The following SYNE1 variants were observed in gnomAD, a reference collection of about 807,000 sequenced individuals.
SYNE1 encodes nesprin-1.
A neutral mutation model predicts 1,111.0 loss-of-function variants in SYNE1; 616 were observed. That is an observed-to-expected ratio of 0.55 (90% CI 0.52 to 0.59). SYNE1 has a LOEUF of 0.59. Ranked by LOEUF, SYNE1 falls within the 20% of genes least tolerant of loss-of-function variation. The pLI is 0.00. For synonymous variants in SYNE1, 3,855 were observed against 3,825.8 expected (o/e 1.01, Z -0.28); for missense variants, 10,006 against 10,417.0 (o/e 0.96, Z 1.72).
chr6:152,254,844 G>A (rs1284433850), intron 104 of SYNE1, 36 bp downstream of exon 104: 2 of 1,573,870 alleles, frequency 1.3e-6, no homozygotes, highest in Non-Finnish European at 1.7e-6. Context: ...AATACCTAGA[G>A]AATGGTCACG....
In SYNE1 at chr6:152,387,331, T is replaced by C; in HGVS notation, c.8228A>G (p.Asn2743Ser). 6.2e-7 allele frequency: 1 copy of C among 1,614,216 alleles called. No individual in the cohort carries two copies. The highest frequency in any genetic ancestry group is 8.5e-7 in the Non-Finnish European group (1 of 1,180,024). The change falls in exon 54 of 146, where the codon AAC (asparagine) becomes AGC (serine). Residue 2743 changes from asparagine to serine, a missense_variant. Asn to Ser is a conservative substitution (Grantham distance 46). Coordinates refer to ENST00000367255, the MANE Select transcript of SYNE1 (RefSeq NM_182961.4). ...SQWNDYVERKNQLEQWMESVD... is the reference protein window; with the variant it reads ...SQWNDYVERKSQLEQWMESVD... ...TGATTCCATCCACTGCTCCAACTGG[T>C]TTTTCCTCTCTACATAGTCATTCCA...
chr6:152,462,642 G>T, intron 20 of SYNE1, 96 bp downstream of exon 20: 2 of 1,456,134 alleles, frequency 1.4e-6, no homozygotes, highest in Non-Finnish European at 1.9e-6. Flanking sequence ...ATGCCCAGGA[G>T]ACACAGAAAC....
In SYNE1 at chr6:152,310,837, GCTCA is replaced by G. The variant is rs767741577; in HGVS notation, c.16743_16746del (p.Glu5582TrpfsTer4). On this transcript the variant is annotated frameshift_variant, in exon 88 of 146. Transcript: ENST00000367255. LOFTEE classifies it high-confidence loss of function. ...TGTAATTTCTCAGTCATTGCTTCCA[GCTCA>G]CTGTCAATTTCTTTGGATTCTTCTA... 5 of 1,613,936 alleles carry G rather than the reference GCTCA, an allele frequency of 3.1e-6. No individual in the cohort carries two copies. The highest frequency in any genetic ancestry group is 4.2e-6 in the Non-Finnish European group (5 of 1,179,994).
intron 128 of SYNE1, among the ~76,000 whole-genome samples, chr6:152,182,242 T>A (rs2068302121): frequency 6.6e-6 from 1 of 152,224 alleles, no homozygotes; most frequent in Non-Finnish European, 1.5e-5. Flanking sequence ...GTGTTCATAG[T>A]GCTGGTTGAA....
chr6:152,341,802 ACT>A (rs2096539669), intron 74 of SYNE1, among the ~76,000 whole-genome samples: 1 of 152,174 alleles, frequency 6.6e-6, no homozygotes, highest in Admixed American at 6.5e-5. Flanking sequence ...TAATGAAACA[ACT>A]TTTGTTCTCA....
At position 152,325,284 on chromosome 6, in the gene SYNE1, T is replaced by A. The variant is rs755058212; in HGVS notation, c.15457A>T (p.Asn5153Tyr). 20 of 1,614,044 alleles carry A rather than the reference T, an allele frequency of 1.2e-5. No individual in the cohort carries two copies. Among genetic ancestry groups the A allele is most frequent in the Non-Finnish European group, 8.5e-7 (1 of 1,180,040 alleles). The change falls in exon 81 of 146, where the codon AAC becomes TAC. Residue 5153 changes from asparagine to tyrosine, a missense_variant. This residue lies in a region of SYNE1 where 4,955 missense variants were observed against 5,017.2 expected (regional missense o/e 0.99). Coordinates refer to ENST00000367255, the MANE Select transcript of SYNE1 (RefSeq NM_182961.4). ...SEHKALVSVV[N>Y]SFHEKIVALE... ...GCCACAATTTTCTCATGGAAAGAGT[T>A]AACCACTGACACTAAAGCCTAGGGT...
intron 3 of SYNE1, among the ~76,000 whole-genome samples, chr6:152,576,897 A>G (rs1222542628): frequency 6.6e-6 from 1 of 152,230 alleles, no homozygotes; most frequent in Admixed American, 6.5e-5. Flanking sequence ...GAGCACTAAC[A>G]AAAGATATAT....
chr6:152,225,863 A>G lies in SYNE1; in HGVS notation c.21209T>C (p.Leu7070Ser). The change falls in exon 116 of 146, where the codon TTG (leucine) becomes TCG (serine). Residue 7070 changes from leucine to serine, a missense_variant. Transcript: ENST00000367255. The part of the protein sequence containing the change: ...ALKDCQDLED[L>S]IKAKEKEVEK... ...TACTTCTTTTTCTTTTGCTTTAATC[A>G]AATCTTCCAGATCCTGAAAGATTTA... The G allele has an allele frequency of 6.2e-7, 1 of 1,613,440 alleles. No individual in the cohort carries two copies. The highest frequency in any genetic ancestry group is 8.5e-7 in the Non-Finnish European group (1 of 1,179,924).
At chr6:152,268,768 A>G (rs999131785) in intron 99 of SYNE1, among the ~76,000 whole-genome samples, 5 of 152,214 alleles carry the variant, frequency 3.3e-5, no homozygotes, top group Non-Finnish European at 5.9e-5. Context: ...TACAAACTGC[A>G]TTCATTAAAA....
chr6:152,509,689 C>A (rs745770401), intron 8 of SYNE1, among the ~76,000 whole-genome samples: 1 of 151,876 alleles, frequency 6.6e-6, no homozygotes, highest in Non-Finnish European at 1.5e-5. Flanking sequence ...AAAATCTACA[C>A]TCTAGATAAA....
At chr6:152,425,010 G>C (rs955787694) in intron 39 of SYNE1, among the ~76,000 whole-genome samples, 1 of 152,166 alleles carries the variant, frequency 6.6e-6, no homozygotes, top group Non-Finnish European at 1.5e-5. Flanking sequence ...AAATGGACTA[G>C]CATATGTGTA....
intron 29 of SYNE1, among the ~76,000 whole-genome samples, chr6:152,445,067 A>G (rs867283533): frequency 1.3e-5 from 2 of 152,024 alleles, no homozygotes; most frequent in African/African-American, 2.4e-5. Flanking sequence ...TTTATTCGAT[A>G]TGGTGCTCTG....
Position 152,409,053 on chromosome 6 carries a change from AG to A in SYNE1, c.6540+14del. ...ATATTTAAATAGTTCACAGAATCCCAGGTGATTATCTTACATCCAGCCATTT... is the reference window on the plus strand; with the variant it reads ...ATATTTAAATAGTTCACAGAATCCCAGTGATTATCTTACATCCAGCCATTT... On this transcript the variant is annotated intron_variant, in intron 44 of 145. Coordinates refer to ENST00000367255, the MANE Select transcript of SYNE1 (RefSeq NM_182961.4). 1.2e-6 allele frequency: 2 copies of A among 1,613,046 alleles called. No individual in the cohort carries two copies. The highest frequency in any genetic ancestry group is 1.7e-6 in the Non-Finnish European group (2 of 1,179,192).
intron 51 of SYNE1, among the ~76,000 whole-genome samples, chr6:152,392,917 T>C (rs1419247614): frequency 6.6e-6 from 1 of 152,098 alleles, no homozygotes; most frequent in African/African-American, 2.4e-5. Context: ...ATATTTCAAG[T>C]AGTGAAATAT....
intron 6 of SYNE1, 50 bp from the exon 7 acceptor site, chr6:152,511,153 T>A (rs2099082915): frequency 1.3e-6 from 2 of 1,505,278 alleles, no homozygotes; most frequent in Non-Finnish European, 9.2e-7. Flanking sequence ...ATATTATAAC[T>A]CATTTAATTA....
At chr6:152,232,380 T>C in intron 112 of SYNE1, 115 bp from the exon 113 acceptor site, 1 of 1,137,480 alleles carries the variant, frequency 8.8e-7, no homozygotes. Flanking sequence ...ATAACACTCC[T>C]TAATGACATT....
chr6:152,568,286 A>ATTTTTTTTTTT (rs1564899028), intron 3 of SYNE1, among the ~76,000 whole-genome samples: 1 of 101,804 alleles, frequency 9.8e-6, no homozygotes. Flanking sequence ...ATTTTATTTT[A>ATTTTTTTTTTT]TTCTTTTTTT....
In SYNE1 at chr6:152,308,631, TC is replaced by T; in HGVS notation, c.17203del (p.Glu5735LysfsTer13). The T allele has an allele frequency of 6.4e-7, 1 of 1,559,154 alleles. No individual in the cohort carries two copies. ...TAIQQCNIMQ[E>X]AVVQYEQYEQ... ...ATATTGTTCATATTGTACCACAGCT[TC>T]CTTTGAAAAAAAAAAAAAACAGAAA... On this transcript the variant is annotated frameshift_variant and splice_region_variant, in exon 91 of 146. Transcript: ENST00000367255. LOFTEE classifies it high-confidence loss of function.
intron 128 of SYNE1, 149 bp downstream of exon 128, chr6:152,189,103 A>T (rs1348678681): frequency 1.4e-5 from 11 of 762,534 alleles, no homozygotes; most frequent in Non-Finnish European, 1.8e-5. Context: ...TATTGATCTG[A>T]AATGTTCTGG....
Sources: allele counts gnomAD v4.1 joint callset (sites outside exome capture counted in the v4.1 genomes callset), GRCh38; gene constraint gnomAD v4.1.1; regional missense constraint gnomAD v4.1.1; transcripts MANE v1.5; gene names NCBI Gene and HGNC (gene_info 2026-07-23, HGNC 2026-07-21).